Variants in CTNNA2 observed in about 807,000 individuals in gnomAD.
CTNNA2 encodes catenin alpha 2.
Under a neutral mutation model 101.0 loss-of-function variants are expected in CTNNA2, and 42 were observed. The observed-to-expected ratio is 0.42, with a 90% CI of 0.32 to 0.54. The LOEUF (loss-of-function observed/expected upper bound fraction) is 0.54, where lower values mean the gene tolerates loss of function less well. Ranked by LOEUF, CTNNA2 falls within the 20% of genes least tolerant of loss-of-function variation. CTNNA2 has a pLI of 0.14. For missense variants in CTNNA2, 871 were observed against 1,223.1 expected (o/e 0.71, Z 4.29); for synonymous variants, 450 against 456.4 (o/e 0.99, Z 0.18).
intron 9 of CTNNA2, among the ~76,000 whole-genome samples, chr2:80,435,060 T>C (rs1296790855): frequency 6.6e-6 from 1 of 152,204 alleles, no homozygotes; most frequent in African/African-American, 2.4e-5. Flanking sequence ...TTGTGTGTTA[T>C]AGGATGTTTA....
chr2:80,239,205 A>G lies in CTNNA2; in HGVS notation c.1057-154006A>G, dbSNP rs527741030. Among the ~76,000 whole-genome samples the G allele has an allele frequency of 1.5e-3, 231 of 152,316 alleles. 2 individuals are homozygous for G. Among genetic ancestry groups the G allele is most frequent in the African/African-American group, 5.3e-3 (222 of 41,568 alleles). On this transcript the variant is annotated intron_variant, in intron 7 of 18. Coordinates refer to ENST00000402739, the MANE Select transcript of CTNNA2 (RefSeq NM_001282597.3). ...AGATAAAGTTCTTCCATGAGATACT[A>G]CTTTTGATGTACTCTGAAGAGTGCT...
At chr2:80,264,767 G>A (rs1165047248) in intron 7 of CTNNA2, among the ~76,000 whole-genome samples, 1 of 152,148 alleles carries the variant, frequency 6.6e-6, no homozygotes, top group Non-Finnish European at 1.5e-5. Flanking sequence ...TCGAGGTGGT[G>A]ATACTGATAC....
intron 3 of CTNNA2, among the ~76,000 whole-genome samples, chr2:79,785,296 CT>C (rs1674751830): frequency 6.6e-6 from 1 of 151,808 alleles, no homozygotes; most frequent in Admixed American, 6.6e-5. Flanking sequence ...TTTACTTCCC[CT>C]TACTCACATC....
intron 9 of CTNNA2, among the ~76,000 whole-genome samples, chr2:80,518,489 T>G (rs1214381834): frequency 6.6e-6 from 1 of 152,228 alleles, no homozygotes; most frequent in Non-Finnish European, 1.5e-5. Flanking sequence ...TTAGACATGT[T>G]GAAATGCACA....
chr2:80,019,828 TCTAA>T (rs143203420), intron 7 of CTNNA2, among the ~76,000 whole-genome samples: 37 of 152,322 alleles, frequency 2.4e-4, no homozygotes, highest in African/African-American at 8.2e-4. Flanking sequence ...CTTGTTCTGA[TCTAA>T]CTAAGTGATA....
At chr2:79,308,081 G>C (rs1288625532) in intron 2 of CTNNA2, among the ~76,000 whole-genome samples, 1 of 152,134 alleles carries the variant, frequency 6.6e-6, no homozygotes, top group East Asian at 1.9e-4. Flanking sequence ...TTTTGCTCTT[G>C]TTGCCCAGGC....
At chr2:80,296,946 G>A (rs1247653429) in intron 7 of CTNNA2, among the ~76,000 whole-genome samples, 1 of 152,172 alleles carries the variant, frequency 6.6e-6, no homozygotes. Flanking sequence ...CACTAAGGAA[G>A]AAATGCAGAT....
intron 2 of CTNNA2, among the ~76,000 whole-genome samples, chr2:79,682,734 T>G (rs929433694): frequency 1.3e-5 from 2 of 152,160 alleles, no homozygotes; most frequent in Admixed American, 1.3e-4. Flanking sequence ...GCTTTGGTAT[T>G]TTTTATTTTT....
At chr2:79,722,688 C>T (rs1216284100) in intron 2 of CTNNA2, among the ~76,000 whole-genome samples, 1 of 151,962 alleles carries the variant, frequency 6.6e-6, no homozygotes, top group African/African-American at 2.4e-5. Flanking sequence ...ATGTTTTTGC[C>T]CCCACCACTA....
At chr2:79,935,909 T>C (rs1687756522) in intron 7 of CTNNA2, among the ~76,000 whole-genome samples, 1 of 152,244 alleles carries the variant, frequency 6.6e-6, no homozygotes, top group Non-Finnish European at 1.5e-5. Flanking sequence ...CAAGTCACAG[T>C]TCTTTGGACT....
At chr2:80,101,630 A>G (rs1441572592) in intron 7 of CTNNA2, among the ~76,000 whole-genome samples, 2 of 152,204 alleles carry the variant, frequency 1.3e-5, no homozygotes, top group South Asian at 4.1e-4. Flanking sequence ...TCCTTCATGT[A>G]CAGAAATGTG....
At chr2:79,566,075 A>G (rs1194741197) in intron 1 of CTNNA2, among the ~76,000 whole-genome samples, 1 of 152,118 alleles carries the variant, frequency 6.6e-6, no homozygotes, top group African/African-American at 2.4e-5. Flanking sequence ...TCTGTGGGCA[A>G]TGGTGCCAGA....
intron 15 of CTNNA2, among the ~76,000 whole-genome samples, chr2:80,600,377 T>G (rs902913202): frequency 1.8e-4 from 27 of 151,830 alleles, no homozygotes; most frequent in African/African-American, 6.5e-4. Context: ...ACAATAAAAT[T>G]AAAATTTATA....
intron 7 of CTNNA2, among the ~76,000 whole-genome samples, chr2:80,031,585 CAT>C (rs2104196161): frequency 6.6e-6 from 1 of 152,282 alleles, no homozygotes; most frequent in East Asian, 1.9e-4. Flanking sequence ...CCTCTCACAA[CAT>C]GTGGAAATTC....
chr2:79,448,946 C>G (rs1391774071), intron 4 of CTNNA2, among the ~76,000 whole-genome samples: 1 of 151,846 alleles, frequency 6.6e-6, no homozygotes, highest in Non-Finnish European at 1.5e-5. Context: ...AGTAAGTTAT[C>G]CTAAGGGAAG....
intron 7 of CTNNA2, among the ~76,000 whole-genome samples, chr2:79,956,870 A>ATTTTTTTTTTTTT (rs1689276296): frequency 2.3e-5 from 1 of 43,784 alleles, no homozygotes; most frequent in African/African-American, 1.3e-4. Flanking sequence ...TTTTTTTTTC[A>ATTTTTTTTTTTTT]GTGTATGAAG....
intron 1 of CTNNA2, among the ~76,000 whole-genome samples, chr2:79,649,650 G>A (rs542962218): frequency 6.6e-6 from 1 of 152,336 alleles, no homozygotes; most frequent in East Asian, 1.9e-4. Flanking sequence ...AATGGAAAAT[G>A]TGTAAAGTGT....
intron 2 of CTNNA2, among the ~76,000 whole-genome samples, chr2:79,710,979 A>G (rs1573754554): frequency 6.6e-6 from 1 of 152,216 alleles, no homozygotes; most frequent in East Asian, 1.9e-4. Context: ...CAGTGCTGCT[A>G]GCTGAACAAG....
intron 11 of CTNNA2, among the ~76,000 whole-genome samples, chr2:80,553,022 G>T (rs2149652118): frequency 6.6e-6 from 1 of 150,602 alleles, no homozygotes; most frequent in East Asian, 2.0e-4. Flanking sequence ...TTCAAGAGCA[G>T]CTTGACCAAC....
Sources: gnomAD v4.1 joint callset for allele counts (sites outside exome capture counted in the v4.1 genomes callset) on GRCh38, gnomAD v4.1.1 for gene constraint, MANE v1.5 for transcripts, NCBI Gene and HGNC (gene_info 2026-07-23, HGNC 2026-07-21) for gene names.